Variants in SMAP1 observed in about 807,000 individuals in gnomAD.
The protein encoded by SMAP1 is stromal membrane-associated protein 1.
SMAP1 carries 24 observed loss-of-function variants against 58.5 expected under a neutral mutation model. The ratio of observed to expected loss-of-function variants is 0.41; its 90% CI spans 0.30 to 0.58. SMAP1 has a LOEUF of 0.58. Among genes scored for constraint, SMAP1 ranks in the 20% least tolerant of loss-of-function variants. SMAP1 has a pLI of 0.29. For missense variants in SMAP1, 563 were observed against 566.3 expected, an observed-to-expected ratio of 0.99 and a Z score of 0.06; for synonymous variants, 216 against 196.6, an observed-to-expected ratio of 1.10 and a Z score of -0.82.
chr6:70,827,366 G>T (rs147249567), intron 6 of SMAP1, among the ~76,000 whole-genome samples: 1 of 152,182 alleles, frequency 6.6e-6, no homozygotes, highest in Non-Finnish European at 1.5e-5. Context: ...AAACTTAACT[G>T]TCCTGAATAT....
intron 1 of SMAP1, among the ~76,000 whole-genome samples, chr6:70,719,390 A>G (rs989321096): frequency 3.0e-4 from 45 of 152,224 alleles, no homozygotes; most frequent in Non-Finnish European, 5.3e-4. Context: ...TGGAAGCAAG[A>G]ATGAAATGAA....
chr6:70,776,917 A>G (rs1014464335), intron 4 of SMAP1, among the ~76,000 whole-genome samples: 2 of 152,230 alleles, frequency 1.3e-5, no homozygotes, highest in Non-Finnish European at 2.9e-5. Context: ...TTAATTCTGT[A>G]TCTTGGCTAT....
At chr6:70,800,668 C>T (rs905352363) in intron 6 of SMAP1, among the ~76,000 whole-genome samples, 1 of 150,684 alleles carries the variant, frequency 6.6e-6, no homozygotes, top group East Asian at 1.9e-4. Flanking sequence ...CCTCCCCCAG[C>T]CCCCCACCCC....
At chr6:70,766,043 A>G (rs903175085) in intron 3 of SMAP1, among the ~76,000 whole-genome samples, 6 of 151,834 alleles carry the variant, frequency 4.0e-5, no homozygotes, top group East Asian at 1.9e-4. Flanking sequence ...ATGATTTCCA[A>G]TTTCATCCGT....
At chr6:70,727,276 T>G (rs1420767010) in intron 1 of SMAP1, among the ~76,000 whole-genome samples, 1 of 152,142 alleles carries the variant, frequency 6.6e-6, no homozygotes, top group Non-Finnish European at 1.5e-5. Flanking sequence ...GCCCAGCTAA[T>G]TTTTGTGTTT....
At chr6:70,788,617 G>A (rs931724649) in intron 4 of SMAP1, among the ~76,000 whole-genome samples, 1 of 152,098 alleles carries the variant, frequency 6.6e-6, no homozygotes, top group African/African-American at 2.4e-5. Context: ...TAGAAGCATG[G>A]GTTTCTGAAG....
At chr6:70,806,785 G>A (rs1769153401) in intron 6 of SMAP1, among the ~76,000 whole-genome samples, 1 of 152,016 alleles carries the variant, frequency 6.6e-6, no homozygotes, top group South Asian at 2.1e-4. Flanking sequence ...AACATATTTG[G>A]GATTTGGAAG....
chr6:70,835,333 A>G (rs759257808), intron 6 of SMAP1, among the ~76,000 whole-genome samples: 10 of 151,632 alleles, frequency 6.6e-5, no homozygotes, highest in Non-Finnish European at 1.0e-4. Flanking sequence ...GGGAGAGTGT[A>G]GTGATTAAAA....
At chr6:70,839,116 G>A (rs1195193120) in intron 7 of SMAP1, among the ~76,000 whole-genome samples, 1 of 152,098 alleles carries the variant, frequency 6.6e-6, no homozygotes, top group Admixed American at 6.5e-5. Context: ...TAGTAAATAA[G>A]CCTCAGGTTT....
chr6:70,748,271 T>G (rs917354691), intron 2 of SMAP1, among the ~76,000 whole-genome samples: 1 of 152,204 alleles, frequency 6.6e-6, no homozygotes, highest in Non-Finnish European at 1.5e-5. Context: ...TAAAAGTTTT[T>G]AAAAATATGT....
chr6:70,747,489 A>C (rs1238948281), intron 2 of SMAP1, among the ~76,000 whole-genome samples: 1 of 152,152 alleles, frequency 6.6e-6, no homozygotes, highest in East Asian at 1.9e-4. Flanking sequence ...GAGAGTAGGG[A>C]GCTCTTAAAA....
intron 3 of SMAP1, among the ~76,000 whole-genome samples, chr6:70,770,261 C>T (rs557728068): frequency 5.3e-4 from 81 of 151,786 alleles, no homozygotes; most frequent in African/African-American, 1.6e-3. Context: ...ATCTTTGTGG[C>T]ATTCTCTGTA....
chr6:70,709,442 A>G (rs72921897), intron 1 of SMAP1, among the ~76,000 whole-genome samples: 67 of 152,100 alleles, frequency 4.4e-4, no homozygotes, highest in Non-Finnish European at 7.8e-4. Flanking sequence ...TGCTCAAGTG[A>G]TCCTCCCACC....
In SMAP1 at chr6:70,852,549, C is replaced by T. The variant is rs926807758; in HGVS notation, c.674C>T (p.Ala225Val). 7.5e-6 allele frequency: 12 copies of T among 1,592,512 alleles called. No individual in the cohort carries two copies. Among genetic ancestry groups the T allele is most frequent in the Admixed American group, 1.8e-5 (1 of 56,922 alleles). ...TVDLLGLDGP[A>V]VAPVTNGNTT... ...TCTATATTCTTTTCAGATGGCCCTG[C>T]TGTGGCACCAGTGACCAACGGGAAC... Residue 225 changes from alanine to valine, a missense_variant, in exon 8 of 11, where the codon GCT becomes GTT. Ala to Val is a moderately conservative substitution (Grantham distance 64). Transcript: ENST00000370455.
chr6:70,791,944 G>C (rs1400311428), intron 5 of SMAP1, among the ~76,000 whole-genome samples, 175 bp downstream of exon 5: 1 of 152,084 alleles, frequency 6.6e-6, no homozygotes, highest in African/African-American at 2.4e-5. Context: ...AAAGAACTTT[G>C]AATCTATATT....
intron 1 of SMAP1, among the ~76,000 whole-genome samples, chr6:70,716,854 G>T (rs1768288710): frequency 6.6e-6 from 1 of 151,758 alleles, no homozygotes; most frequent in Admixed American, 6.6e-5. Flanking sequence ...ATTTCCTTAG[G>T]GTCAGTTTCT....
At chr6:70,794,139 G>A (rs769249194) in intron 5 of SMAP1, among the ~76,000 whole-genome samples, 27 of 152,186 alleles carry the variant, frequency 1.8e-4, no homozygotes, top group Non-Finnish European at 3.8e-4. Context: ...TTCTTGCACA[G>A]GAGGTCAGCT....
chr6:70,767,149 G>A (rs549620418), intron 3 of SMAP1, among the ~76,000 whole-genome samples: 77 of 152,152 alleles, frequency 5.1e-4, no homozygotes, highest in African/African-American at 1.6e-3. Context: ...GGTTACTGTA[G>A]CCTTGTAGTA....
At chr6:70,725,396 G>A (rs554028135) in intron 1 of SMAP1, among the ~76,000 whole-genome samples, 10 of 152,086 alleles carry the variant, frequency 6.6e-5, no homozygotes, top group Non-Finnish European at 1.3e-4. Flanking sequence ...GATTACAGGC[G>A]TGAGGGAAAA....
Sources: allele counts gnomAD v4.1 joint callset (sites outside exome capture counted in the v4.1 genomes callset), GRCh38; gene constraint gnomAD v4.1.1; transcripts MANE v1.5; gene names NCBI Gene and HGNC (gene_info 2026-07-23, HGNC 2026-07-21).